FLT4: variants seen among roughly 807,000 people sequenced by gnomAD.
FLT4 encodes vascular endothelial growth factor receptor 3.
FLT4 carries 30 observed loss-of-function variants against 163.2 expected under a neutral mutation model. The ratio of observed to expected loss-of-function variants is 0.18; its 90% CI spans 0.14 to 0.25. The LOEUF is 0.25. Ranked by LOEUF, FLT4 falls within the 10% of genes least tolerant of loss-of-function variation. The pLI, the probability that FLT4 is intolerant of heterozygous loss-of-function variation, is 1.00. For synonymous variants in FLT4, 884 were observed against 789.5 expected, an observed-to-expected ratio of 1.12 and a Z score of -2.01; for missense variants, 1,510 against 1,863.8, an observed-to-expected ratio of 0.81 and a Z score of 3.50.
In FLT4 at chr5:180,601,643, G is replaced by A. The variant is rs1761520129; in HGVS notation, c.*1549C>T. 4.3e-6 allele frequency: 1 copy of A among 233,326 alleles called. No individual in the cohort carries two copies. Among genetic ancestry groups the A allele is most frequent in the Non-Finnish European group, 8.5e-6 (1 of 118,090 alleles). The allele number at this position is 233,326 out of a possible 1,614,324, so 14.5% of individuals were successfully genotyped here. ...ATGCGTGGGTGGGTAGTGAGGAGAA[G>A]GGAGCAGAGGTGCGCGCCAGGAGCC... On this transcript the variant is annotated 3_prime_UTR_variant, in exon 30 of 30. Transcript: ENST00000261937.
chr5:180,631,618 C>T, intron 2 of FLT4, 64 bp downstream of exon 2: 1 of 1,344,586 alleles, frequency 7.4e-7, no homozygotes. Context: ...GGCCCACAGC[C>T]ACCACCTCCT....
rs374241339 is a variant in FLT4 at position 180,620,334 on chromosome 5, G to A, written c.2407-26C>T. 4.5e-5 allele frequency: 73 copies of A among 1,608,384 alleles called. No individual in the cohort carries two copies. The African/African-American group carries it at 9.5e-4, about 21-fold the overall frequency. ...CTGCGGGGAGGGGACAGGGAGGAGTGGGGCAGCTCACTGATTTGGCCATAC... is the reference window on the plus strand; with the variant it reads ...CTGCGGGGAGGGGACAGGGAGGAGTAGGGCAGCTCACTGATTTGGCCATAC... On this transcript the variant is annotated intron_variant, in intron 16 of 29. Transcript: ENST00000261937. The surrounding 1 kb of genome is among the most constrained non-coding windows in gnomAD (Gnocchi z 4.4).
In FLT4 at chr5:180,603,033, G is replaced by A. The variant is rs1761594874; in HGVS notation, c.*159C>T. On this transcript the variant is annotated 3_prime_UTR_variant, in exon 30 of 30. Transcript: ENST00000261937. ...CGGAATTCCGGGAGCCTTGGGCCTGGAGTCCTGCTCTTCCTAGCTGGGAAG... is the reference window on the plus strand; with the variant it reads ...CGGAATTCCGGGAGCCTTGGGCCTGAAGTCCTGCTCTTCCTAGCTGGGAAG... 4 of 734,424 alleles carry A rather than the reference G, an allele frequency of 5.4e-6. No individual in the cohort carries two copies. The South Asian group carries it at 6.7e-5, about 12-fold the overall frequency. 45.5% of individuals were successfully genotyped at this position (734,424 alleles called of 1,614,324 possible).
At position 180,630,954 on chromosome 5, in the gene FLT4, C is replaced by T. The variant is rs969220293; in HGVS notation, c.156-155G>A. On this transcript the variant is annotated intron_variant, in intron 2 of 29. Transcript: ENST00000261937. The surrounding 1 kb of genome is among the most constrained non-coding windows in gnomAD (Gnocchi z 6.3). The stretch of plus-strand genomic sequence containing the variant: ...CGCACACTACAGACCGTGCCCAGGG[C>T]AGGGCACTCCCCGACCCCCGGGCCT... Among the ~76,000 whole-genome samples the T allele has an allele frequency of 6.6e-6, 1 of 152,012 alleles. No individual in the cohort carries two copies. The highest frequency in any genetic ancestry group is 6.5e-5 in the Admixed American group (1 of 15,278).
At chr5:180,625,495 C>G (rs898669191) in intron 10 of FLT4, among the ~76,000 whole-genome samples, 3 of 152,190 alleles carry the variant, frequency 2.0e-5, no homozygotes, top group Non-Finnish European at 4.4e-5. Flanking sequence ...CAGGTGACAC[C>G]CCCCCAGGTC....
chr5:180,643,097 T>C (rs529674705), intron 1 of FLT4, among the ~76,000 whole-genome samples: 1 of 152,394 alleles, frequency 6.6e-6, no homozygotes, highest in African/African-American at 2.4e-5. Flanking sequence ...GATGTCTGTA[T>C]AATTTGCATT....
intron 17 of FLT4, 108 bp from the exon 18 acceptor site, chr5:180,619,877 C>T: frequency 7.2e-6 from 6 of 833,212 alleles, no homozygotes; most frequent in Non-Finnish European, 1.2e-5. Context: ...GGCCTGGCAG[C>T]AGGAGGAGCG....
At chr5:180,642,619 T>C (rs1450275132) in intron 1 of FLT4, among the ~76,000 whole-genome samples, 1 of 152,166 alleles carries the variant, frequency 6.6e-6, no homozygotes, top group Admixed American at 6.5e-5. Context: ...TCACCCTCCC[T>C]GACAGCTCTC....
chr5:180,644,540 T>G (rs1765373122), intron 1 of FLT4, among the ~76,000 whole-genome samples: 1 of 152,192 alleles, frequency 6.6e-6, no homozygotes, highest in Non-Finnish European at 1.5e-5. Context: ...TGGAACCAGA[T>G]GTCAGACACC....
At chr5:180,624,126 C>T (rs1561725460) in intron 10 of FLT4, 65 bp from the exon 11 acceptor site, 16 of 1,584,354 alleles carry the variant, frequency 1.0e-5, no homozygotes, top group Admixed American at 5.0e-5. Flanking sequence ...ACATGGGGGG[C>T]GGGGTCAAGC....
intron 1 of FLT4, among the ~76,000 whole-genome samples, chr5:180,642,263 T>G (rs1232265739): frequency 6.6e-6 from 1 of 151,356 alleles, no homozygotes; most frequent in Non-Finnish European, 1.5e-5. Context: ...ATCCCTCTGC[T>G]CTCACCTGCC....
rs771458044 is a variant in FLT4, at chr5:180,621,698, C to T, written c.1864G>A (p.Ala622Thr). Residue 622 changes from alanine to threonine, a missense_variant, in exon 13 of 30, where the codon GCC becomes ACC. Physicochemically the swap from Ala to Thr is moderately conservative, Grantham distance 58 (BLOSUM62 0). Transcript: ENST00000261937. ...CCAGGTGCCACCTCCTCCAGGCTGG[C>T]GGCCAGAGGGGTGGCGAACAGATGC... is the stretch of plus-strand genomic sequence containing the variant. ...NVHLFATPLA[A>T]SLEEVAPGAR... 2.5e-6 allele frequency: 4 copies of T among 1,612,554 alleles called. No homozygotes were observed. The South Asian group carries it at 4.4e-5, about 18-fold the overall frequency.
intron 23 of FLT4, among the ~76,000 whole-genome samples, chr5:180,615,370 G>A (rs1239194213): frequency 2.0e-5 from 2 of 98,284 alleles, no homozygotes; most frequent in Non-Finnish European, 4.0e-5. Flanking sequence ...CTCCACTTCC[G>A]AAATCCACTT....
intron 1 of FLT4, among the ~76,000 whole-genome samples, chr5:180,640,326 G>A (rs1295350151): frequency 1.3e-5 from 2 of 152,242 alleles, no homozygotes; most frequent in Admixed American, 1.3e-4. Flanking sequence ...ACAGCAGCAG[G>A]TGGCCACGTG....
At chr5:180,624,999 TAGA>T (rs1213284728) in intron 10 of FLT4, among the ~76,000 whole-genome samples, 3 of 152,206 alleles carry the variant, frequency 2.0e-5, no homozygotes, top group Admixed American at 1.3e-4. Context: ...CCGCACGATC[TAGA>T]AGAATACCTA....
intron 8 of FLT4, among the ~76,000 whole-genome samples, chr5:180,628,039 C>T (rs775460232): frequency 1.1e-4 from 17 of 152,266 alleles, no homozygotes; most frequent in South Asian, 2.1e-4. Flanking sequence ...TCTGCTTGCC[C>T]AGCTCCAGGA....
At chr5:180,629,463 G>A (rs367580371) in intron 6 of FLT4, 36 bp from the exon 7 acceptor site, 38 of 1,606,486 alleles carry the variant, frequency 2.4e-5, no homozygotes, top group South Asian at 6.6e-5. Flanking sequence ...GTCAGCAGGC[G>A]GGCTCCTGCA....
rs746140353 is a variant in FLT4 at position 180,619,778 on chromosome 5, G to A, written c.2543-9C>T. On this transcript the variant is annotated splice_polypyrimidine_tract_variant and intron_variant, in intron 17 of 29. Transcript: ENST00000261937. ...GTAGCCGAGCACTCTCCCTGTCGGGGCAGGGGGCCAGTTGCAGGTGAGCTG... is the reference window on the plus strand; with the variant it reads ...GTAGCCGAGCACTCTCCCTGTCGGGACAGGGGGCCAGTTGCAGGTGAGCTG... The A allele has an allele frequency of 1.2e-5, 20 of 1,601,766 alleles. No individual in the cohort carries two copies. Among genetic ancestry groups the A allele is most frequent in the Non-Finnish European group, 1.5e-5 (18 of 1,170,762 alleles).
intron 1 of FLT4, among the ~76,000 whole-genome samples, chr5:180,642,011 A>T (rs1316155095): frequency 6.6e-6 from 1 of 152,148 alleles, no homozygotes. Flanking sequence ...GATTGAGACC[A>T]TCCTGGCCAA....
Sources: gnomAD v4.1 joint callset for allele counts (sites outside exome capture counted in the v4.1 genomes callset) on GRCh38, gnomAD v4.1.1 for gene constraint, Gnocchi (gnomAD v3.1) non-coding constraint, MANE v1.5 for transcripts, NCBI Gene and HGNC (gene_info 2026-07-23, HGNC 2026-07-21) for gene names.